Variants in SCN8A observed in about 807,000 individuals in gnomAD.
The protein encoded by SCN8A is sodium channel protein type 8 subunit alpha.
SCN8A carries 30 observed loss-of-function variants against 184.1 expected under a neutral mutation model. The observed-to-expected ratio is 0.16, with a 90% CI of 0.12 to 0.22. SCN8A has a LOEUF of 0.22. Among genes scored for constraint, SCN8A ranks in the 10% least tolerant of loss-of-function variants. SCN8A has a pLI of 1.00. For missense variants in SCN8A, 1,057 were observed against 2,498.9 expected, an observed-to-expected ratio of 0.42 and a Z score of 12.30; for synonymous variants, 852 against 907.0, an observed-to-expected ratio of 0.94 and a Z score of 1.09.
chr12:51,701,263 G>A lies in SCN8A; in HGVS notation c.992+56G>A, dbSNP rs371437097. The A allele has an allele frequency of 6.3e-4, 752 of 1,196,316 alleles. 5 individuals carry two copies. Among genetic ancestry groups the A allele is most frequent in the South Asian group, 5.8e-3 (331 of 57,384 alleles). 74.1% of individuals were successfully genotyped at this position (1,196,316 alleles called of 1,614,324 possible). A position where few individuals can be genotyped will look rare whatever the true frequency, so the allele number is the denominator to read the frequency against. On this transcript the variant is annotated intron_variant, in intron 8 of 26. Transcript: ENST00000627620. The stretch of plus-strand genomic sequence containing the variant: ...CCTTAAAATAATGTACCTGTTATTA[G>A]TAGGGTCAAAATAGGCAATATGTTT...
At chr12:51,708,291 G>A (rs1941817820) in intron 11 of SCN8A, among the ~76,000 whole-genome samples, 3 of 152,292 alleles carry the variant, frequency 2.0e-5, no homozygotes, top group Middle Eastern at 3.4e-3. Context: ...TTAGCCTATG[G>A]TAGATTGAAA....
At chr12:51,686,132 G>A (rs537980911) in intron 3 of SCN8A, among the ~76,000 whole-genome samples, 17 of 152,256 alleles carry the variant, frequency 1.1e-4, no homozygotes, top group African/African-American at 3.4e-4. Context: ...GAACAGTGAC[G>A]GCCCTTTTGA....
chr12:51,796,708 T>A (rs1214654259), intron 26 of SCN8A, among the ~76,000 whole-genome samples: 1 of 152,090 alleles, frequency 6.6e-6, no homozygotes, highest in Non-Finnish European at 1.5e-5. Context: ...GAGTCTCAAA[T>A]CCTCAAAAGT....
At chr12:51,632,422 T>C (rs912958830) in intron 1 of SCN8A, among the ~76,000 whole-genome samples, 1 of 152,188 alleles carries the variant, frequency 6.6e-6, no homozygotes, top group East Asian at 1.9e-4. Context: ...TCCCTAGTTC[T>C]CCTTTGAGTT....
rs1246984445 is a variant in SCN8A at position 51,810,620 on chromosome 12, G to A, written c.*3191G>A. On this transcript the variant is annotated 3_prime_UTR_variant, in exon 27 of 27. Coordinates refer to ENST00000627620, the MANE Select transcript of SCN8A (RefSeq NM_001330260.2). The stretch of plus-strand genomic sequence containing the variant: ...CTCCACAATCCACCTTTTAAAAAAA[G>A]GACAAAAAGCAAAAAGATGTGTGAT... 6.5e-6 allele frequency: 1 copy of A among 153,822 alleles called. No homozygotes were observed. The highest frequency in any genetic ancestry group is 1.4e-5 in the Non-Finnish European group (1 of 69,422). The allele number at this position is 153,822 out of a possible 1,614,324, so 9.5% of individuals were successfully genotyped here.
At chr12:51,596,381 C>G (rs987972769) in intron 1 of SCN8A, among the ~76,000 whole-genome samples, 7 of 152,158 alleles carry the variant, frequency 4.6e-5, no homozygotes, top group African/African-American at 1.7e-4. Context: ...TATCGAAGAG[C>G]TTAATGAAGG....
In SCN8A at chr12:51,724,700, A is replaced by G. The variant is rs1446759277; in HGVS notation, c.1998+2792A>G. On this transcript the variant is annotated intron_variant, in intron 12 of 26. Transcript: ENST00000627620. ...TGGGGCAATTCAAATGTTTAGAACC[A>G]AATTGAATTTTGATATACTGGCAGT... Among the ~76,000 whole-genome samples the G allele has an allele frequency of 4.6e-5, 7 of 152,252 alleles. No individual in the cohort carries two copies. In the East Asian group the frequency reaches 1.2e-3, roughly 25 times the overall value.
chr12:51,796,482 G>A (rs566434672), intron 26 of SCN8A, among the ~76,000 whole-genome samples: 6 of 152,256 alleles, frequency 3.9e-5, no homozygotes, highest in Middle Eastern at 3.4e-3. Context: ...TTTTGATGAT[G>A]GGGATTTTTA....
intron 2 of SCN8A, among the ~76,000 whole-genome samples, chr12:51,674,418 C>T (rs966888148): frequency 5.3e-5 from 8 of 152,064 alleles, no homozygotes; most frequent in Non-Finnish European, 8.8e-5. Flanking sequence ...CTGCAACCTC[C>T]GCCTCCCGGG....
At chr12:51,692,510 G>A (rs946573317) in intron 6 of SCN8A, among the ~76,000 whole-genome samples, 4 of 152,218 alleles carry the variant, frequency 2.6e-5, no homozygotes, top group Non-Finnish European at 2.9e-5. Flanking sequence ...TATGCTTTCC[G>A]TTTTGCTCCA....
intron 14 of SCN8A, among the ~76,000 whole-genome samples, chr12:51,761,960 A>G (rs912793593): frequency 6.6e-6 from 1 of 152,130 alleles, no homozygotes; most frequent in African/African-American, 2.4e-5. Flanking sequence ...AAGAAAATAC[A>G]TGAAAATGAT....
chr12:51,811,159 G>A lies in SCN8A; in HGVS notation c.*3730G>A, dbSNP rs1938881729. ...TGACTATCCCAATTCTTGAGTCCTG[G>A]GAGGGGTCTGGGAATTGGGACCTTA... On this transcript the variant is annotated 3_prime_UTR_variant, in exon 27 of 27. Coordinates refer to ENST00000627620, the MANE Select transcript of SCN8A (RefSeq NM_001330260.2). 1 of 152,160 alleles carries A rather than the reference G, an allele frequency of 6.6e-6. No individual in the cohort carries two copies. The highest frequency in any genetic ancestry group is 1.5e-5 in the Non-Finnish European group (1 of 68,040). 9.4% of individuals were successfully genotyped at this position (152,160 alleles called of 1,614,324 possible). A position where few individuals can be genotyped will look rare whatever the true frequency, so the allele number is the denominator to read the frequency against.
At chr12:51,704,850 C>G (rs1362097541) in intron 9 of SCN8A, among the ~76,000 whole-genome samples, 1 of 151,752 alleles carries the variant, frequency 6.6e-6, no homozygotes, top group Non-Finnish European at 1.5e-5. Flanking sequence ...TGGTGGGCAC[C>G]TGTAATCCCA....
intron 1 of SCN8A, among the ~76,000 whole-genome samples, chr12:51,638,241 A>G (rs1407852279): frequency 5.3e-5 from 8 of 152,260 alleles, no homozygotes; most frequent in Non-Finnish European, 1.5e-5. Context: ...TATTCATGCC[A>G]GCTAACACAA....
intron 26 of SCN8A, among the ~76,000 whole-genome samples, chr12:51,796,911 C>T (rs1362394870): frequency 1.3e-5 from 2 of 152,192 alleles, no homozygotes; most frequent in Non-Finnish European, 2.9e-5. Flanking sequence ...CTTCTGCCTG[C>T]TTTTTCTAGC....
intron 11 of SCN8A, among the ~76,000 whole-genome samples, chr12:51,719,903 C>T (rs370191710): frequency 2.4e-3 from 363 of 151,648 alleles, no homozygotes; most frequent in Admixed American, 7.4e-3. Context: ...GGTGAAACCC[C>T]GTCTCTACTA....
intron 12 of SCN8A, among the ~76,000 whole-genome samples, chr12:51,738,569 T>G (rs968934782): frequency 2.6e-5 from 4 of 152,240 alleles, no homozygotes; most frequent in African/African-American, 9.6e-5. Flanking sequence ...TTGCCTTGTT[T>G]ATTTGTGCTT....
chr12:51,685,913 A>G (rs1382371303), intron 3 of SCN8A, among the ~76,000 whole-genome samples: 1 of 152,248 alleles, frequency 6.6e-6, no homozygotes, highest in African/African-American at 2.4e-5. Flanking sequence ...GAACCATTGC[A>G]TGTAGATTTT....
Position 51,687,237 on chromosome 12 carries a change from T to C in SCN8A, c.614+18T>C. The C allele has an allele frequency of 6.2e-7, 1 of 1,612,668 alleles. No individual in the cohort carries two copies. On this transcript the variant is annotated intron_variant, in intron 5 of 26. Coordinates refer to ENST00000627620, the MANE Select transcript of SCN8A (RefSeq NM_001330260.2). ...ATGATGGCGTAAGTTCTCCCCTTAC[T>C]TTATTGGTGTTCTGGGTGTGATTCT...
Sources: allele counts gnomAD v4.1 joint callset (sites outside exome capture counted in the v4.1 genomes callset), GRCh38; gene constraint gnomAD v4.1.1; transcripts MANE v1.5; gene names NCBI Gene and HGNC (gene_info 2026-07-23, HGNC 2026-07-21).